The following PCDHA2 variants were observed in gnomAD, a reference collection of about 807,000 sequenced individuals.
PCDHA2 encodes protocadherin alpha 2, also known as protocadherin alpha-2.
Under a neutral mutation model 66.0 loss-of-function variants are expected in PCDHA2, and 58 were observed. The observed-to-expected ratio is 0.88, with a 90% CI of 0.71 to 1.09. The LOEUF (loss-of-function observed/expected upper bound fraction) is 1.09, where lower values mean the gene tolerates loss of function less well. PCDHA2 is among the 50% of genes least tolerant of loss of function. The pLI, the probability that PCDHA2 is intolerant of heterozygous loss-of-function variation, is 0.00. For missense variants in PCDHA2, 1,267 were observed against 1,242.3 expected, an observed-to-expected ratio of 1.02 and a Z score of -0.30; for synonymous variants, 634 against 554.0, an observed-to-expected ratio of 1.14 and a Z score of -2.03.
Position 141,010,115 on chromosome 5 carries a change from C to A in PCDHA2, c.*178C>A, listed in dbSNP as rs1037998611. 1.2e-6 allele frequency: 2 copies of A among 1,609,682 alleles called. No individual in the cohort carries two copies. The highest frequency in any genetic ancestry group is 2.2e-5 in the South Asian group (2 of 90,640). ...CATTTAACAGGTTTTGTCGTAAAAG[C>A]TTTACTAAGTCTGGTGTTAACTCTT... On this transcript the variant is annotated 3_prime_UTR_variant, in exon 4 of 4. Transcript: ENST00000526136.
chr5:140,977,429 C>T (rs143756065), intron 1 of PCDHA2, among the ~76,000 whole-genome samples: 9 of 152,228 alleles, frequency 5.9e-5, no homozygotes, highest in South Asian at 2.1e-4. Context: ...CCTCTAACAC[C>T]GCTAGTAGAT....
intron 1 of PCDHA2, among the ~76,000 whole-genome samples, chr5:140,908,412 T>G (rs2073956005): frequency 6.6e-6 from 1 of 152,212 alleles, no homozygotes; most frequent in South Asian, 2.1e-4. Context: ...TTCCATTTGA[T>G]GATGGAATGC....
chr5:141,010,618 G>T lies in PCDHA2; in HGVS notation c.*681G>T. The T allele has an allele frequency of 5.2e-6, 1 of 191,706 alleles. No individual in the cohort carries two copies. The highest frequency in any genetic ancestry group is 1.1e-5 in the Non-Finnish European group (1 of 92,168). 11.9% of individuals were successfully genotyped at this position (191,706 alleles called of 1,614,324 possible). ...TGTGACGTCATTATACCTAAAATCT[G>T]CATCATACCTGCAAGCCAACAGTTC... is the stretch of plus-strand genomic sequence containing the variant. On this transcript the variant is annotated 3_prime_UTR_variant, in exon 4 of 4. Coordinates refer to ENST00000526136, the MANE Select transcript of PCDHA2 (RefSeq NM_018905.3).
intron 1 of PCDHA2, chr5:140,870,913 G>C (rs933995054): frequency 2.5e-6 from 4 of 1,613,936 alleles, no homozygotes; most frequent in Non-Finnish European, 3.4e-6. Context: ...AGGCTACAAC[G>C]CGTGGCTTTC....
At chr5:140,900,489 C>G (rs1429058590) in intron 1 of PCDHA2, among the ~76,000 whole-genome samples, 8 of 152,196 alleles carry the variant, frequency 5.3e-5, no homozygotes, top group African/African-American at 1.7e-4. Context: ...GTTGGTCAGA[C>G]TGGTCTCAAA....
chr5:140,797,365 C>G lies in PCDHA2; in HGVS notation c.2388+13C>G. ...ATACGTAGGAAAGGTGAGTCTTTTA[C>G]TTTTTCTTGCCAATTCTAAAATTGT... On this transcript the variant is annotated intron_variant, in intron 1 of 3. Transcript: ENST00000526136. 6.2e-7 allele frequency: 1 copy of G among 1,609,390 alleles called. No homozygotes were observed. The highest frequency in any genetic ancestry group is 8.5e-7 in the Non-Finnish European group (1 of 1,177,216).
chr5:140,890,319 A>C (rs2062592452), intron 1 of PCDHA2, among the ~76,000 whole-genome samples: 1 of 152,206 alleles, frequency 6.6e-6, no homozygotes, highest in Admixed American at 6.5e-5. Context: ...AGTTGTTTTA[A>C]GATATTAGGT....
intron 3 of PCDHA2, among the ~76,000 whole-genome samples, chr5:140,984,867 TA>T (rs1251384308): frequency 6.6e-6 from 1 of 152,180 alleles, no homozygotes; most frequent in Non-Finnish European, 1.5e-5. Context: ...ACACCTATTT[TA>T]TTGAGTTACC....
intron 1 of PCDHA2, chr5:140,877,134 C>G (rs1339173132): frequency 3.1e-6 from 5 of 1,613,594 alleles, no homozygotes; most frequent in African/African-American, 2.7e-5. Flanking sequence ...TGCAGGTGTT[C>G]GTGCTGGACG....
intron 1 of PCDHA2, among the ~76,000 whole-genome samples, chr5:140,831,997 T>C (rs1771794062): frequency 6.6e-6 from 1 of 152,244 alleles, no homozygotes; most frequent in African/African-American, 2.4e-5. Flanking sequence ...GGATTCCATA[T>C]TGTTTTCATT....
intron 1 of PCDHA2, chr5:140,870,081 T>G (rs782572380): frequency 1.2e-6 from 2 of 1,613,698 alleles, no homozygotes. Context: ...ATAAGGGGAC[T>G]CCCCCAATGG....
rs112338455 is a variant in PCDHA2 at position 140,903,390 on chromosome 5, A to G, written c.2389-75559A>G. ...TATAGGGAGGATTGTGGTTACTTCT[A>G]GAAACAGTAGTGCAGTCAGGAAAAA... On this transcript the variant is annotated intron_variant, in intron 1 of 3. Coordinates refer to ENST00000526136, the MANE Select transcript of PCDHA2 (RefSeq NM_018905.3). Among the ~76,000 whole-genome samples the G allele has an allele frequency of 4.3e-3, 662 of 152,354 alleles. 6 individuals are homozygous for G. Among genetic ancestry groups the G allele is most frequent in the African/African-American group, 0.015 (618 of 41,596 alleles).
intron 1 of PCDHA2, among the ~76,000 whole-genome samples, chr5:140,846,373 C>CTTTTTTTTTT (rs374699051): frequency 3.6e-5 from 2 of 55,152 alleles, no homozygotes; most frequent in South Asian, 1.0e-3. Flanking sequence ...TTCTTTCTTT[C>CTTTTTTTTTT]TTTTTTTTTT....
At chr5:140,852,973 T>G (rs2150526500) in intron 1 of PCDHA2, 26 of 368,004 alleles carry the variant, frequency 7.1e-5, no homozygotes, top group Non-Finnish European at 9.8e-5. Flanking sequence ...CCCCCTCCCG[T>G]GTTCACGCCA....
intron 1 of PCDHA2, among the ~76,000 whole-genome samples, chr5:140,910,641 C>G (rs1270893523): frequency 6.6e-6 from 1 of 152,206 alleles, no homozygotes; most frequent in Non-Finnish European, 1.5e-5. Context: ...CTCCCTAAAC[C>G]TTTTGATCCC....
intron 1 of PCDHA2, chr5:140,853,100 C>G: frequency 2.7e-6 from 1 of 369,590 alleles, no homozygotes; most frequent in Non-Finnish European, 3.8e-6. Flanking sequence ...AGGATGGTCT[C>G]GATCTCCTGA....
chr5:140,870,785 C>T, intron 1 of PCDHA2: 1 of 1,613,662 alleles, frequency 6.2e-7, no homozygotes, highest in East Asian at 2.2e-5. Context: ...AACGACAACG[C>T]GCCGGCACTG....
At chr5:140,809,508 C>CCAG in intron 1 of PCDHA2, 1 of 1,614,204 alleles carries the variant, frequency 6.2e-7, no homozygotes, top group Non-Finnish European at 8.5e-7. Context: ...GCCTTCAGCC[C>CCAG]CAGTTTACCT....
intron 1 of PCDHA2, among the ~76,000 whole-genome samples, chr5:140,919,585 G>A (rs2079204849): frequency 6.6e-6 from 1 of 151,898 alleles, no homozygotes; most frequent in African/African-American, 2.4e-5. Flanking sequence ...ATGTAACATG[G>A]TAATTTTTAA....
Sources: allele counts gnomAD v4.1 joint callset (sites outside exome capture counted in the v4.1 genomes callset), GRCh38; gene constraint gnomAD v4.1.1; transcripts MANE v1.5; gene names NCBI Gene and HGNC (gene_info 2026-07-23, HGNC 2026-07-21).